Variants in WASF3 observed in about 807,000 individuals in gnomAD.
The protein encoded by WASF3 is actin-binding protein WASF3.
In WASF3, 11 loss-of-function variants were observed where a neutral mutation model predicts 46.6. The ratio of observed to expected loss-of-function variants is 0.24; its 90% confidence interval spans 0.15 to 0.39. The LOEUF (loss-of-function observed/expected upper bound fraction) is 0.39. WASF3 is among the 10% of genes least tolerant of loss of function. The probability of loss-of-function intolerance (pLI) is 1.00; values close to 1 mark genes in which losing one functional copy is unlikely to be tolerated. For synonymous variants in WASF3, 242 were observed against 259.7 expected, an observed-to-expected ratio of 0.93 and a Z score of 0.65; for missense variants, 576 against 669.8, an observed-to-expected ratio of 0.86 and a Z score of 1.55.
At chr13:26,557,876 G>A (rs1198050664) in intron 1 of WASF3, 57 bp downstream of exon 1, 2 of 296,042 alleles carry the variant, frequency 6.8e-6, no homozygotes, top group Non-Finnish European at 1.2e-5. Flanking sequence ...TGGCCCTCTC[G>A]GCTCCGGGCC....
At chr13:26,670,355 G>A (rs570778546) in intron 5 of WASF3, among the ~76,000 whole-genome samples, 25 of 151,966 alleles carry the variant, frequency 1.6e-4, no homozygotes, top group African/African-American at 5.6e-4. Context: ...GGGGGGTGAG[G>A]GACAAGGGGG....
At chr13:26,631,745 CTA>C (rs968537367) in intron 2 of WASF3, among the ~76,000 whole-genome samples, 40 of 152,236 alleles carry the variant, frequency 2.6e-4, no homozygotes, top group African/African-American at 7.9e-4. Flanking sequence ...GGCATTGAAT[CTA>C]TAAATTACCT....
chr13:26,610,176 C>T (rs1880927056), intron 1 of WASF3, among the ~76,000 whole-genome samples: 1 of 152,168 alleles, frequency 6.6e-6, no homozygotes, highest in Non-Finnish European at 1.5e-5. Flanking sequence ...CCGAGACCTA[C>T]GTCTGTCAGA....
At chr13:26,663,324 G>C (rs1278004506) in intron 3 of WASF3, among the ~76,000 whole-genome samples, 1 of 152,230 alleles carries the variant, frequency 6.6e-6, no homozygotes, top group Non-Finnish European at 1.5e-5. Flanking sequence ...TGGAGCTCAG[G>C]AAGGTGTTCA....
intron 3 of WASF3, 113 bp from the exon 4 acceptor site, chr13:26,664,915 C>A: frequency 9.0e-7 from 1 of 1,105,698 alleles, no homozygotes; most frequent in Non-Finnish European, 1.3e-6. Context: ...TATTTTCATA[C>A]TCGTTTGCAC....
upstream of WASF3, chr13:26,557,682 C>A (rs1284885485): frequency 1.2e-5 from 2 of 163,346 alleles, no homozygotes; most frequent in Non-Finnish European, 2.6e-5. Context: ...TGGCCGCGGC[C>A]GTGGACGGGC....
In WASF3 at chr13:26,682,761, G is replaced by T. The variant is rs755735864; in HGVS notation, c.1138G>T (p.Ala380Ser). Residue 380 changes from alanine to serine, a missense_variant, in exon 9 of 10, where the codon GCA becomes TCA. Coordinates refer to ENST00000335327, the MANE Select transcript of WASF3 (RefSeq NM_006646.6). This position sits in a 1 kb window ranked among gnomAD's most constrained non-coding sequence, Gnocchi z 4.4. ...PFPASASSTH[A>S]APPHPPSTGL... ...CCCTGCATCAGCCAGCTCCACGCAC[G>T]CAGCTCCTCCTCACCCACCCTCCAC... 1 of 1,612,804 alleles carries T rather than the reference G, an allele frequency of 6.2e-7. No homozygotes were observed. Among genetic ancestry groups the T allele is most frequent in the Non-Finnish European group, 8.5e-7 (1 of 1,179,992 alleles).
In WASF3 at chr13:26,578,993, C is replaced by CTTTTTTTTTTTTTTTTTTTT. The variant is rs200299739; in HGVS notation, c.-109+21178_-109+21197dup. ...ACCTTATATTCTTGGGATACATTTC[C>CTTTTTTTTTTTTTTTTTTTT]TTTTTTTTTTTTTTTTTTTTTTTGT... is the stretch of plus-strand genomic sequence containing the variant. On this transcript the variant is annotated intron_variant, in intron 1 of 9. Coordinates refer to ENST00000335327, the MANE Select transcript of WASF3 (RefSeq NM_006646.6). Among the ~76,000 whole-genome samples the CTTTTTTTTTTTTTTTTTTTT allele has an allele frequency of 2.1e-3, 129 of 60,630 alleles. 19 individuals are homozygous for CTTTTTTTTTTTTTTTTTTTT. Among genetic ancestry groups the CTTTTTTTTTTTTTTTTTTTT allele is most frequent in the Middle Eastern group, 0.016 (1 of 64 alleles). The allele number at this position is 60,630 out of a possible 152,430, so 39.8% of individuals were successfully genotyped here.
At chr13:26,606,308 TTC>T (rs201999547) in intron 1 of WASF3, among the ~76,000 whole-genome samples, 2,029 of 147,748 alleles carry the variant, frequency 0.014, 55 homozygotes, top group African/African-American at 0.047. Flanking sequence ...CTTTTTTCTT[TTC>T]TCTTTTTTTT....
At chr13:26,649,411 A>G (rs1408027661) in intron 3 of WASF3, among the ~76,000 whole-genome samples, 1 of 152,188 alleles carries the variant, frequency 6.6e-6, no homozygotes, top group African/African-American at 2.4e-5. Flanking sequence ...AATTTATTGA[A>G]GGGGCATCCA....
At position 26,597,134 on chromosome 13, in the gene WASF3, T is replaced by TTTA. The variant is rs1044636494; in HGVS notation, c.-108-15815_-108-15813dup. On this transcript the variant is annotated intron_variant, in intron 1 of 9. Coordinates refer to ENST00000335327, the MANE Select transcript of WASF3 (RefSeq NM_006646.6). ...TCCTCCTTGTGTCCCATTATTTCTA[T>TTTA]TTATTATTATTATTTTTTTGAGACA... is the stretch of plus-strand genomic sequence containing the variant. 5.9e-5 allele frequency among the ~76,000 whole-genome samples: 9 copies of TTTA among 152,256 alleles called. No individual in the cohort carries two copies. In the East Asian group the frequency reaches 1.5e-3, roughly 26 times the overall value.
intron 3 of WASF3, among the ~76,000 whole-genome samples, chr13:26,658,442 A>G (rs1182425210): frequency 1.3e-5 from 2 of 152,216 alleles, no homozygotes; most frequent in Non-Finnish European, 2.9e-5. Flanking sequence ...AGATGTTATT[A>G]GGCGTTTCCA....
intron 1 of WASF3, among the ~76,000 whole-genome samples, chr13:26,592,302 C>T (rs1255052709): frequency 2.6e-5 from 4 of 151,754 alleles, no homozygotes; most frequent in South Asian, 2.1e-4. Context: ...TGTTTTTTTG[C>T]GGGAGTGAAT....
chr13:26,661,053 G>C (rs1418636693), intron 3 of WASF3, among the ~76,000 whole-genome samples: 1 of 152,184 alleles, frequency 6.6e-6, no homozygotes, highest in Non-Finnish European at 1.5e-5. Flanking sequence ...CCCAGGGAGG[G>C]CATTAGTCTA....
chr13:26,605,111 T>A (rs1880754271), intron 1 of WASF3, among the ~76,000 whole-genome samples: 3 of 152,126 alleles, frequency 2.0e-5, no homozygotes, highest in Admixed American at 2.0e-4. Context: ...TGGCCCCTGG[T>A]TTTCCTCCAG....
At chr13:26,654,187 C>A (rs549529065) in intron 3 of WASF3, among the ~76,000 whole-genome samples, 5 of 152,174 alleles carry the variant, frequency 3.3e-5, no homozygotes, top group African/African-American at 1.2e-4. Context: ...TTTCTCTGTC[C>A]TCTTCTTCTA....
chr13:26,664,358 T>C (rs1031909900), intron 3 of WASF3, among the ~76,000 whole-genome samples: 3 of 152,234 alleles, frequency 2.0e-5, no homozygotes, highest in African/African-American at 7.2e-5. Context: ...ATTTGGAAAT[T>C]CAGTGTAAGC....
At chr13:26,579,915 C>T (rs1332646411) in intron 1 of WASF3, among the ~76,000 whole-genome samples, 5 of 152,204 alleles carry the variant, frequency 3.3e-5, no homozygotes, top group Non-Finnish European at 7.3e-5. Flanking sequence ...CAACCTATGG[C>T]CCATGGGCTG....
Position 26,680,981 on chromosome 13 carries a change from C to T in WASF3, c.717-73C>T, listed in dbSNP as rs563026456. ...TATTAGCAATGTTATTATTCAAATA[C>T]ATCCATGTGCCTGTTAGCCGACAAT... On this transcript the variant is annotated intron_variant, in intron 7 of 9. Transcript: ENST00000335327. 93 of 1,521,156 alleles carry T rather than the reference C, an allele frequency of 6.1e-5. No homozygotes were observed. In the South Asian group the frequency reaches 1.1e-3, roughly 18 times the overall value. The allele number at this position is 1,521,156 out of a possible 1,614,324, so 94.2% of individuals were successfully genotyped here. A position where few individuals can be genotyped will look rare whatever the true frequency, so the allele number is the denominator to read the frequency against.
Sources: gnomAD v4.1 joint callset for allele counts (sites outside exome capture counted in the v4.1 genomes callset) on GRCh38, gnomAD v4.1.1 for gene constraint, Gnocchi (gnomAD v3.1) non-coding constraint, MANE v1.5 for transcripts, NCBI Gene and HGNC (gene_info 2026-07-23, HGNC 2026-07-21) for gene names.